The following PGBD5 variants were observed in gnomAD, a reference collection of about 807,000 sequenced individuals.
PGBD5 encodes piggyBac transposable element derived 5.
A neutral mutation model predicts 47.9 loss-of-function variants in PGBD5; 14 were observed. That is an observed-to-expected ratio of 0.29 (90% CI 0.19 to 0.46). The LOEUF (loss-of-function observed/expected upper bound fraction) is 0.46. Ranked by LOEUF, PGBD5 falls within the 20% of genes least tolerant of loss-of-function variation. PGBD5 has a pLI of 1.00. For missense variants in PGBD5, 635 were observed against 716.0 expected (o/e 0.89, Z 1.29); for synonymous variants, 316 against 306.3 (o/e 1.03, Z -0.33).
chr1:230,361,236 T>G (rs1667737614), intron 1 of PGBD5, among the ~76,000 whole-genome samples: 1 of 151,918 alleles, frequency 6.6e-6, no homozygotes, highest in South Asian at 2.1e-4. Context: ...AAAATGCATA[T>G]CTACAGTAAC....
intron 3 of PGBD5, among the ~76,000 whole-genome samples, chr1:230,341,688 T>C (rs1032877230): frequency 6.6e-6 from 1 of 152,150 alleles, no homozygotes; most frequent in Non-Finnish European, 1.5e-5. Context: ...CCTAGACATA[T>C]CTAGAGAAAG....
chr1:230,406,732 C>T (rs1657305482), intron 1 of PGBD5, among the ~76,000 whole-genome samples: 1 of 152,168 alleles, frequency 6.6e-6, no homozygotes. Context: ...TTTCAAGAAA[C>T]ATTCCTATTT....
At chr1:230,389,045 C>T (rs1295449306) in intron 1 of PGBD5, among the ~76,000 whole-genome samples, 4 of 152,198 alleles carry the variant, frequency 2.6e-5, no homozygotes, top group South Asian at 2.1e-4. Flanking sequence ...GGGCTCAGAC[C>T]GCTGCTGCAA....
intron 1 of PGBD5, among the ~76,000 whole-genome samples, chr1:230,410,641 T>C (rs1657389553): frequency 6.6e-6 from 1 of 152,054 alleles, no homozygotes; most frequent in Non-Finnish European, 1.5e-5. Context: ...AGAGAACACT[T>C]CATATCAAAA....
intron 1 of PGBD5, among the ~76,000 whole-genome samples, chr1:230,371,995 C>A (rs1344317007): frequency 6.6e-6 from 1 of 152,152 alleles, no homozygotes; most frequent in East Asian, 1.9e-4. Flanking sequence ...ATAAAAGGTT[C>A]CCGTGGACAG....
At chr1:230,354,672 C>T (rs954758962) in intron 2 of PGBD5, among the ~76,000 whole-genome samples, 1 of 152,128 alleles carries the variant, frequency 6.6e-6, no homozygotes, top group African/African-American at 2.4e-5. Flanking sequence ...GCCCTGAGGC[C>T]TCTCCCTGGG....
chr1:230,328,700 G>A (rs1414582203), intron 5 of PGBD5, among the ~76,000 whole-genome samples: 14 of 152,090 alleles, frequency 9.2e-5, no homozygotes, highest in Non-Finnish European at 1.9e-4. Flanking sequence ...CACCTTCCTC[G>A]GCTGTTAGTG....
At chr1:230,414,320 C>T (rs1657472453) in intron 1 of PGBD5, among the ~76,000 whole-genome samples, 1 of 152,170 alleles carries the variant, frequency 6.6e-6, no homozygotes, top group South Asian at 2.1e-4. Context: ...GATCTTCCCT[C>T]CTTCCCACCA....
intron 1 of PGBD5, among the ~76,000 whole-genome samples, chr1:230,398,762 G>C (rs997794919): frequency 6.6e-6 from 1 of 152,160 alleles, no homozygotes; most frequent in Non-Finnish European, 1.5e-5. Flanking sequence ...GGGTTTTTAG[G>C]GGGTGAAGAT....
intron 5 of PGBD5, among the ~76,000 whole-genome samples, chr1:230,330,856 G>T (rs576535212): frequency 2.6e-5 from 4 of 152,316 alleles, no homozygotes; most frequent in East Asian, 1.9e-4. Context: ...TCCAGAAATT[G>T]TAAGTACATT....
At chr1:230,324,760 G>A (rs1667088946) in intron 6 of PGBD5, among the ~76,000 whole-genome samples, 1 of 152,162 alleles carries the variant, frequency 6.6e-6, no homozygotes, top group African/African-American at 2.4e-5. Context: ...CTGGACGTCC[G>A]CACATTGTGG....
Position 230,332,996 on chromosome 1 carries a change from G to A in PGBD5, c.1121C>T (p.Thr374Ile), listed in dbSNP as rs758454880. The A allele has an allele frequency of 1.1e-5, 17 of 1,612,860 alleles. No homozygotes were observed. Among genetic ancestry groups the A allele is most frequent in the South Asian group, 7.7e-5 (7 of 90,944 alleles). ...GLLRARKSDC[T>I]GLPLSMLTNP... is the part of the protein sequence containing the mutation. ...GGTCAGCATGGACAGTGGGAGGCCG[G>A]TGCAGTCACTCTTCCGCGCGCGGAG... Residue 374 changes from threonine (T) to isoleucine (I), a missense_variant, in exon 5 of 7, where the codon ACC becomes ATC. Thr to Ile is a moderately conservative substitution (Grantham distance 89). Coordinates refer to ENST00000391860, the MANE Select transcript of PGBD5 (RefSeq NM_001258311.2).
intron 2 of PGBD5, 145 bp from the exon 3 acceptor site, chr1:230,351,237 CTTAT>C: frequency 1.1e-6 from 1 of 882,282 alleles, no homozygotes; most frequent in Non-Finnish European, 1.6e-6. Flanking sequence ...CCTGACCCTT[CTTAT>C]CTATAGGAGG....
intron 1 of PGBD5, among the ~76,000 whole-genome samples, chr1:230,398,492 A>G (rs73102039): frequency 0.045 from 6,789 of 152,262 alleles, 185 homozygotes; most frequent in South Asian, 0.076. Flanking sequence ...CCTCATCTCC[A>G]AAGAAGGTCA....
chr1:230,401,339 G>A (rs1021956999), intron 1 of PGBD5, among the ~76,000 whole-genome samples: 1 of 152,138 alleles, frequency 6.6e-6, no homozygotes, highest in Non-Finnish European at 1.5e-5. Flanking sequence ...TGTATAACAC[G>A]GCCTCCAACA....
At chr1:230,368,164 T>A in intron 1 of PGBD5, 2 of 1,365,554 alleles carry the variant, frequency 1.5e-6, no homozygotes, top group Non-Finnish European at 2.0e-6. Context: ...AGGAATAAGG[T>A]GGAGGAGAGA....
At chr1:230,418,803 C>T (rs1657581713) in intron 1 of PGBD5, among the ~76,000 whole-genome samples, 1 of 152,230 alleles carries the variant, frequency 6.6e-6, no homozygotes, top group Non-Finnish European at 1.5e-5. Flanking sequence ...ACTAGGAACA[C>T]TCTTTACCTT....
chr1:230,396,456 C>T (rs1420056718), intron 1 of PGBD5, among the ~76,000 whole-genome samples: 1 of 127,778 alleles, frequency 7.8e-6, no homozygotes, highest in Non-Finnish European at 1.6e-5. Context: ...CTATCCTCCT[C>T]CCCCTCAACT....
rs1667015393 is a variant in PGBD5, at chr1:230,320,256, C to T, written c.*3169G>A. 1 of 152,138 alleles carries T rather than the reference C, an allele frequency of 6.6e-6. No homozygotes were observed. Among genetic ancestry groups the T allele is most frequent in the Non-Finnish European group, 1.5e-5 (1 of 68,046 alleles). The allele number at this position is 152,138 out of a possible 1,614,324, so 9.4% of individuals were successfully genotyped here. On this transcript the variant is annotated 3_prime_UTR_variant, in exon 7 of 7. Coordinates refer to ENST00000391860, the MANE Select transcript of PGBD5 (RefSeq NM_001258311.2). ...TAGGCACCAAACAGAAACAGACATTCACTCAATGAAGTTAAATTTGCCTAA... is the reference window on the plus strand; with the variant it reads ...TAGGCACCAAACAGAAACAGACATTTACTCAATGAAGTTAAATTTGCCTAA...
Sources: gnomAD v4.1 joint callset for allele counts (sites outside exome capture counted in the v4.1 genomes callset) on GRCh38, gnomAD v4.1.1 for gene constraint, MANE v1.5 for transcripts, NCBI Gene and HGNC (gene_info 2026-07-23, HGNC 2026-07-21) for gene names.